The following NSD2 variants were observed in gnomAD, a reference collection of about 807,000 sequenced individuals.
The protein encoded by NSD2 is histone-lysine N-methyltransferase NSD2.
NSD2 carries 12 observed loss-of-function variants against 139.0 expected under a neutral mutation model. That is an observed-to-expected ratio of 0.09 (90% CI 0.06 to 0.14). NSD2 has a LOEUF of 0.14. Ranked by LOEUF, NSD2 falls within the 10% of genes least tolerant of loss-of-function variation. The pLI is 1.00. For synonymous variants in NSD2, 669 were observed against 648.7 expected, an observed-to-expected ratio of 1.03 and a Z score of -0.48; for missense variants, 1,155 against 1,745.0, an observed-to-expected ratio of 0.66 and a Z score of 6.02.
At chr4:1,978,382 T>C (rs1440110162) in intron 21 of NSD2, among the ~76,000 whole-genome samples, 1 of 152,064 alleles carries the variant, frequency 6.6e-6, no homozygotes, top group African/African-American at 2.4e-5. Flanking sequence ...CCGGCACAGC[T>C]CCTCTCAGTT....
chr4:1,967,594 A>G lies in NSD2; in HGVS notation c.3372+6443A>G, dbSNP rs566785811. 3.3e-5 allele frequency among the ~76,000 whole-genome samples: 5 copies of G among 151,908 alleles called. No homozygotes were observed. The South Asian group carries it at 8.3e-4, about 25-fold the overall frequency. On this transcript the variant is annotated intron_variant, in intron 18 of 21. Transcript: ENST00000508803. The stretch of plus-strand genomic sequence containing the variant: ...CTTTGTCTCAAAAAAAAAAAAAAAG[A>G]TATTTCCAACTTAACAGTGGGTTTA...
intron 1 of NSD2, among the ~76,000 whole-genome samples, chr4:1,888,863 G>C (rs190378860): frequency 5.3e-5 from 8 of 151,688 alleles, no homozygotes; most frequent in Non-Finnish European, 1.0e-4. Flanking sequence ...ACCACGCCTG[G>C]CTGCTTTATT....
At chr4:1,929,929 C>T (rs886402447) in intron 5 of NSD2, among the ~76,000 whole-genome samples, 2 of 152,104 alleles carry the variant, frequency 1.3e-5, no homozygotes, top group African/African-American at 4.8e-5. Flanking sequence ...GAGCGAAGTC[C>T]CCAGGATCAG....
rs1015986817 is a variant in NSD2 at position 1,981,341 on chromosome 4, G to GCC, written c.*2436_*2437dup. The GCC allele has an allele frequency of 8.6e-6, 2 of 233,218 alleles. No homozygotes were observed. The highest frequency in any genetic ancestry group is 5.6e-5 in the Admixed American group (1 of 17,788). The allele number at this position is 233,218 out of a possible 1,614,324, so 14.4% of individuals were successfully genotyped here. On this transcript the variant is annotated 3_prime_UTR_variant, in exon 22 of 22. Coordinates refer to ENST00000508803, the MANE Select transcript of NSD2 (RefSeq NM_001042424.3). ...GTTTCTCGCCACTGGGGCTGACCAC[G>GCC]CCCCCAGCTGTGACCGTGGGTGTGG... is the stretch of plus-strand genomic sequence containing the variant.
At chr4:1,919,920 A>AT (rs775000732) in intron 5 of NSD2, among the ~76,000 whole-genome samples, 21 of 151,914 alleles carry the variant, frequency 1.4e-4, no homozygotes, top group Non-Finnish European at 2.6e-4. Context: ...TGGCGACAGA[A>AT]TGAGACGCCG....
At chr4:1,940,093 C>G in intron 9 of NSD2, 2 of 1,199,132 alleles carry the variant, frequency 1.7e-6, no homozygotes, top group South Asian at 2.5e-5. Flanking sequence ...AGCCCTCACA[C>G]TGTAAGAGTT....
At chr4:1,923,246 T>G (rs1241206229) in intron 5 of NSD2, among the ~76,000 whole-genome samples, 1 of 147,776 alleles carries the variant, frequency 6.8e-6, no homozygotes, top group Admixed American at 6.9e-5. Flanking sequence ...CCCAGTACTT[T>G]GGGAGGCTGA....
intron 7 of NSD2, among the ~76,000 whole-genome samples, chr4:1,937,037 AT>A (rs944479770): frequency 6.6e-6 from 1 of 151,092 alleles, no homozygotes; most frequent in African/African-American, 2.4e-5. Flanking sequence ...TGCACTTAAC[AT>A]TTGCTCTGGT....
chr4:1,979,627 G>T lies in NSD2; in HGVS notation c.*718G>T, dbSNP rs979015215. Reference sequence around the variant, plus strand: ...CGTGTAGTTTACGCGGAGCACTTTCGAGGCCTGGCCGGGTTGGGCCTACTT... The same window carrying T: ...CGTGTAGTTTACGCGGAGCACTTTCTAGGCCTGGCCGGGTTGGGCCTACTT... On this transcript the variant is annotated 3_prime_UTR_variant, in exon 22 of 22. Coordinates refer to ENST00000508803, the MANE Select transcript of NSD2 (RefSeq NM_001042424.3). The T allele has an allele frequency of 4.3e-6, 1 of 232,534 alleles. No individual in the cohort carries two copies. The highest frequency in any genetic ancestry group is 8.5e-6 in the Non-Finnish European group (1 of 117,656). The allele number at this position is 232,534 out of a possible 1,614,324, so 14.4% of individuals were successfully genotyped here.
intron 5 of NSD2, 106 bp from the exon 6 acceptor site, chr4:1,930,520 G>T: frequency 1.7e-6 from 2 of 1,200,644 alleles, no homozygotes; most frequent in Non-Finnish European, 2.2e-6. Flanking sequence ...GAATAAAAAT[G>T]CGACACACTA....
rs1399165552 is a variant in NSD2, at chr4:1,872,623, AGAGAGAGAGAGAGC to A, written c.-30+1083_-30+1096del. Among the ~76,000 whole-genome samples the A allele has an allele frequency of 2.1e-3, 301 of 143,896 alleles. 2 individuals are homozygous for A. The highest frequency in any genetic ancestry group is 5.0e-3 in the African/African-American group (194 of 38,646). 94.4% of individuals were successfully genotyped at this position (143,896 alleles called of 152,430 possible). Reference sequence around the variant, plus strand: ...GAGAGAGAGAGAGAGAGAGAGAGAGAGAGAGAGAGAGAGCGCGCAGACCCTGTGAAGACAAGACT... The same window carrying A: ...GAGAGAGAGAGAGAGAGAGAGAGAGAGCGCAGACCCTGTGAAGACAAGACT... On this transcript the variant is annotated intron_variant, in intron 1 of 21. Transcript: ENST00000508803.
At chr4:1,943,477 G>T (rs914958560) in intron 9 of NSD2, 28 of 1,045,762 alleles carry the variant, frequency 2.7e-5, no homozygotes, top group Non-Finnish European at 2.9e-5. Flanking sequence ...ATTTTGCTTT[G>T]GCATGAAAAG....
At chr4:1,940,905 G>A (rs765152112) in intron 9 of NSD2, 72 of 1,057,266 alleles carry the variant, frequency 6.8e-5, no homozygotes, top group Non-Finnish European at 8.1e-5. Flanking sequence ...AATCCTCAGC[G>A]ACCACTCCTC....
In NSD2 at chr4:1,974,629, C is replaced by T. The variant is rs1348341057; in HGVS notation, c.3373-234C>T. 1.5e-6 allele frequency: 1 copy of T among 686,834 alleles called. No homozygotes were observed. The highest frequency in any genetic ancestry group is 2.7e-6 in the Non-Finnish European group (1 of 373,710). 42.5% of individuals were successfully genotyped at this position (686,834 alleles called of 1,614,324 possible). A position where few individuals can be genotyped will look rare whatever the true frequency, so the allele number is the denominator to read the frequency against. Reference sequence around the variant, plus strand: ...GGGAGCTCCAGCTCCCTGTCCTGTCCTCCCCGGCGCTCACTAAGGCTCGGT... The same window carrying T: ...GGGAGCTCCAGCTCCCTGTCCTGTCTTCCCCGGCGCTCACTAAGGCTCGGT... On this transcript the variant is annotated intron_variant, in intron 18 of 21. Transcript: ENST00000508803. The surrounding 1 kb of genome is among the most constrained non-coding windows in gnomAD (Gnocchi z 4.0).
chr4:1,953,454 T>G lies in NSD2; in HGVS notation c.2268T>G (p.Gly756=). 1 of 1,614,116 alleles carries G rather than the reference T, an allele frequency of 6.2e-7. No homozygotes were observed. The highest frequency in any genetic ancestry group is 8.5e-7 in the Non-Finnish European group (1 of 1,180,030). The change falls in exon 12 of 22, where the codon GGT becomes GGG. Residue 756 remains glycine (G), a synonymous_variant. Coordinates refer to ENST00000508803, the MANE Select transcript of NSD2 (RefSeq NM_001042424.3). ...KYPLTVFESR[G]FRCPLHSCVS... Reference sequence around the variant, plus strand: ...CTCTGACTGTATTTGAGAGCCGAGGTTTCCGCTGCCCCCTCCACAGCTGTG... The same window carrying G: ...CTCTGACTGTATTTGAGAGCCGAGGGTTCCGCTGCCCCCTCCACAGCTGTG...
At chr4:1,969,403 A>G (rs946038000) in intron 18 of NSD2, among the ~76,000 whole-genome samples, 1 of 152,184 alleles carries the variant, frequency 6.6e-6, no homozygotes, top group Non-Finnish European at 1.5e-5. Flanking sequence ...TGAAAAGGTT[A>G]TGTAAGAAAA....
chr4:1,954,993 T>C (rs1258047162), intron 12 of NSD2, among the ~76,000 whole-genome samples, 168 bp from the exon 13 acceptor site: 1 of 152,258 alleles, frequency 6.6e-6, no homozygotes, highest in Admixed American at 6.5e-5. Context: ...TTCTCAAACA[T>C]GGTTTTGAAG....
At chr4:1,924,682 G>A (rs991493320) in intron 5 of NSD2, among the ~76,000 whole-genome samples, 5 of 152,032 alleles carry the variant, frequency 3.3e-5, no homozygotes, top group African/African-American at 1.2e-4. Flanking sequence ...AGGCCGAGGA[G>A]GGTAGGATGC....
chr4:1,904,585 T>G (rs1237035818), intron 3 of NSD2, among the ~76,000 whole-genome samples: 1 of 152,254 alleles, frequency 6.6e-6, no homozygotes, highest in African/African-American at 2.4e-5. Flanking sequence ...ATTGAATTAG[T>G]GTTAAGGGAC....
Sources: allele counts gnomAD v4.1 joint callset (sites outside exome capture counted in the v4.1 genomes callset), GRCh38; gene constraint gnomAD v4.1.1; non-coding constraint Gnocchi (gnomAD v3.1); transcripts MANE v1.5; gene names NCBI Gene and HGNC (gene_info 2026-07-23, HGNC 2026-07-21).